GBF1: variants seen among roughly 807,000 people sequenced by gnomAD.
GBF1 encodes Golgi-specific brefeldin A-resistance guanine nucleotide exchange factor 1.
In GBF1, 114 loss-of-function variants were observed where a neutral mutation model predicts 210.5. The observed-to-expected ratio is 0.54, with a 90% CI of 0.47 to 0.63. GBF1 has a LOEUF of 0.63. Among genes scored for constraint, GBF1 ranks in the 30% least tolerant of loss-of-function variants. The probability of loss-of-function intolerance (pLI) is 0.00; values close to 1 mark genes in which losing one functional copy is unlikely to be tolerated. For missense variants in GBF1, 1,851 were observed against 2,357.7 expected, an observed-to-expected ratio of 0.79 and a Z score of 4.45; for synonymous variants, 850 against 889.2, an observed-to-expected ratio of 0.96 and a Z score of 0.78.
chr10:102,289,346 A>C (rs971047325), intron 3 of GBF1, among the ~76,000 whole-genome samples: 3 of 152,186 alleles, frequency 2.0e-5, no homozygotes, highest in African/African-American at 7.2e-5. Context: ...ATACTTATTC[A>C]GCTCTTGGTG....
intron 3 of GBF1, among the ~76,000 whole-genome samples, chr10:102,313,993 T>C (rs992609641): frequency 1.3e-5 from 2 of 152,038 alleles, no homozygotes; most frequent in Admixed American, 1.3e-4. Context: ...GGAGCAGTGA[T>C]GAGAGCGTAT....
At chr10:102,270,684 A>G (rs1003016197) in intron 3 of GBF1, among the ~76,000 whole-genome samples, 2 of 152,214 alleles carry the variant, frequency 1.3e-5, no homozygotes, top group Admixed American at 1.3e-4. Context: ...ATGTTCTCCT[A>G]CATAATACCA....
intron 1 of GBF1, among the ~76,000 whole-genome samples, 155 bp from the exon 2 acceptor site, chr10:102,258,774 C>CAAAAAAAAAAA (rs74634439): frequency 1.3e-5 from 1 of 79,684 alleles, no homozygotes; most frequent in African/African-American, 4.6e-5. Flanking sequence ...AACTCTGCCT[C>CAAAAAAAAAAA]AAAAAAAAAA....
At chr10:102,290,076 T>G (rs1693840839) in intron 3 of GBF1, among the ~76,000 whole-genome samples, 1 of 152,052 alleles carries the variant, frequency 6.6e-6, no homozygotes, top group Non-Finnish European at 1.5e-5. Flanking sequence ...CATGCCACTT[T>G]CCAGCCTGGG....
chr10:102,333,961 T>C (rs1208201368), intron 3 of GBF1, among the ~76,000 whole-genome samples: 1 of 152,246 alleles, frequency 6.6e-6, no homozygotes, highest in Non-Finnish European at 1.5e-5. Flanking sequence ...GCTTTTGTCG[T>C]CTGTCTCTGG....
intron 1 of GBF1, among the ~76,000 whole-genome samples, chr10:102,256,269 TCTTTTTC>T (rs1425255822): frequency 1.3e-5 from 2 of 152,088 alleles, no homozygotes; most frequent in Non-Finnish European, 2.9e-5. Context: ...TGTACCAGTT[TCTTTTTC>T]CTTTATCATG....
intron 1 of GBF1, among the ~76,000 whole-genome samples, chr10:102,252,701 G>T (rs1337243730): frequency 6.6e-6 from 1 of 151,986 alleles, no homozygotes; most frequent in Admixed American, 6.6e-5. Flanking sequence ...AAAAAAATTA[G>T]CCAGGCATGG....
chr10:102,359,163 G>A (rs1238077990), intron 10 of GBF1, 104 bp from the exon 11 acceptor site: 13 of 799,192 alleles, frequency 1.6e-5, no homozygotes, highest in Admixed American at 4.0e-5. Flanking sequence ...CCCTACATCT[G>A]TAGCCCATTA....
chr10:102,326,294 G>A (rs1430131374), intron 3 of GBF1, among the ~76,000 whole-genome samples: 2 of 152,168 alleles, frequency 1.3e-5, no homozygotes, highest in Non-Finnish European at 2.9e-5. Flanking sequence ...CATTCCCTTG[G>A]GGAGTAACAG....
At chr10:102,288,874 G>A (rs2076206756) in intron 3 of GBF1, among the ~76,000 whole-genome samples, 1 of 152,118 alleles carries the variant, frequency 6.6e-6, no homozygotes, top group South Asian at 2.1e-4. Context: ...GCTGAGGCGG[G>A]CGGATTACTT....
chr10:102,231,361 A>G, the GBF1 span, among the ~76,000 whole-genome samples: 5 of 152,088 alleles, frequency 3.3e-5, no homozygotes, highest in South Asian at 1.0e-3. Context: ...GGGGAAGGAG[A>G]GACGGTGTCA....
intron 1 of GBF1, among the ~76,000 whole-genome samples, chr10:102,250,007 G>A (rs895913777): frequency 6.6e-6 from 1 of 152,020 alleles, no homozygotes; most frequent in African/African-American, 2.4e-5. Flanking sequence ...GCTTTTAAAG[G>A]TATTGAGTGA....
chr10:102,248,550 AATT>A (rs2071115350), intron 1 of GBF1, among the ~76,000 whole-genome samples: 1 of 152,126 alleles, frequency 6.6e-6, no homozygotes, highest in South Asian at 2.1e-4. Flanking sequence ...TAAATGAGTT[AATT>A]GAGTCCCATG....
intron 3 of GBF1, among the ~76,000 whole-genome samples, chr10:102,311,335 C>A (rs2078413850): frequency 6.6e-6 from 1 of 152,132 alleles, no homozygotes; most frequent in South Asian, 2.1e-4. Context: ...GAAGAAAGGG[C>A]TTTATAGTCT....
At chr10:102,354,913 C>CTTTTTT (rs5787452) in intron 8 of GBF1, among the ~76,000 whole-genome samples, 1 of 132,996 alleles carries the variant, frequency 7.5e-6, no homozygotes. Flanking sequence ...TAGTTGGGAT[C>CTTTTTT]TTTTTTTTTT....
At chr10:102,362,739 C>T in intron 15 of GBF1, 75 bp downstream of exon 15, 1 of 1,168,162 alleles carries the variant, frequency 8.6e-7, no homozygotes, top group Non-Finnish European at 1.3e-6. Context: ...GTCGTTTTTC[C>T]TGTCCCCATA....
chr10:102,362,147 C>T (rs2059650246), intron 14 of GBF1, among the ~76,000 whole-genome samples: 2 of 149,340 alleles, frequency 1.3e-5, no homozygotes, highest in Admixed American at 1.3e-4. Flanking sequence ...AGCTCCACCT[C>T]CCGGGTTCAC....
chr10:102,371,359 T>C (rs1228509839), intron 29 of GBF1, among the ~76,000 whole-genome samples: 1 of 152,170 alleles, frequency 6.6e-6, no homozygotes. Context: ...ACTTAATATA[T>C]AGCTGACAAA....
At chr10:102,336,299 C>CAAAAAAAA (rs566414701) in intron 3 of GBF1, among the ~76,000 whole-genome samples, 1 of 49,036 alleles carries the variant, frequency 2.0e-5, no homozygotes, top group African/African-American at 7.1e-5. Flanking sequence ...GACTTTGTCT[C>CAAAAAAAA]AAAAAAAAAA....
Sources: gnomAD v4.1 joint callset for allele counts (sites outside exome capture counted in the v4.1 genomes callset) on GRCh38, gnomAD v4.1.1 for gene constraint, MANE v1.5 for transcripts, NCBI Gene and HGNC (gene_info 2026-07-23, HGNC 2026-07-21) for gene names.